Variants in RGS7 observed in about 807,000 individuals in gnomAD.
The protein encoded by RGS7 is regulator of G protein signaling 7.
A neutral mutation model predicts 81.1 loss-of-function variants in RGS7; 27 were observed. The observed-to-expected ratio is 0.33, with a 90% CI of 0.25 to 0.46. The LOEUF (loss-of-function observed/expected upper bound fraction) is 0.46, where lower values mean the gene tolerates loss of function less well. Among genes scored for constraint, RGS7 ranks in the 20% least tolerant of loss-of-function variants. RGS7 has a pLI of 1.00. For synonymous variants in RGS7, 208 were observed against 207.7 expected (o/e 1.00, Z -0.01); for missense variants, 396 against 607.4 (o/e 0.65, Z 3.66).
At chr1:241,143,884 T>C (rs1008511957) in intron 2 of RGS7, among the ~76,000 whole-genome samples, 1 of 151,964 alleles carries the variant, frequency 6.6e-6, no homozygotes, top group African/African-American at 2.4e-5. Context: ...CTGAGGGAGA[T>C]TGCTTGTCCT....
intron 2 of RGS7, among the ~76,000 whole-genome samples, chr1:241,260,232 C>T (rs756944243): frequency 3.3e-5 from 5 of 152,284 alleles, no homozygotes; most frequent in Admixed American, 6.5e-5. Flanking sequence ...TATTGCTTCT[C>T]GTAGGGAACT....
At chr1:240,801,393 G>T in intron 17 of RGS7, 62 bp downstream of exon 17, 1 of 1,118,448 alleles carries the variant, frequency 8.9e-7, no homozygotes, top group Non-Finnish European at 1.3e-6. Flanking sequence ...GCTAGAAATA[G>T]GGAAATTGGA....
chr1:240,976,027 T>A lies in RGS7; in HGVS notation c.226+7052A>T, dbSNP rs532989006. On this transcript the variant is annotated intron_variant, in intron 4 of 18. Coordinates refer to ENST00000440928, the MANE Select transcript of RGS7 (RefSeq NM_001364886.1). ...GAAACTCACGTTGTGCTTGTAACCCTGAGAATACCATTGTAAGAAGCCAGT... is the reference window on the plus strand; with the variant it reads ...GAAACTCACGTTGTGCTTGTAACCCAGAGAATACCATTGTAAGAAGCCAGT... Among the ~76,000 whole-genome samples the A allele has an allele frequency of 7.2e-5, 11 of 152,334 alleles. No homozygotes were observed. The South Asian group carries it at 2.3e-3, about 32-fold the overall frequency.
rs1682870946 is a variant in RGS7 at position 240,775,984 on chromosome 1, G to T, written c.*236C>A. On this transcript the variant is annotated 3_prime_UTR_variant, in exon 19 of 19. Coordinates refer to ENST00000440928, the MANE Select transcript of RGS7 (RefSeq NM_001364886.1). ...GAGAAAGAAAGCAGACAACAGTTTG[G>T]AATGGAGGCATTGAGACGGAAGAGT... is the stretch of plus-strand genomic sequence containing the variant. 1 of 644,242 alleles carries T rather than the reference G, an allele frequency of 1.6e-6. No individual in the cohort carries two copies. Among genetic ancestry groups the T allele is most frequent in the Admixed American group, 2.3e-5 (1 of 43,696 alleles). The allele number at this position is 644,242 out of a possible 1,614,324, so 39.9% of individuals were successfully genotyped here.
intron 2 of RGS7, among the ~76,000 whole-genome samples, chr1:241,131,406 C>G (rs1052836323): frequency 6.6e-6 from 1 of 152,172 alleles, no homozygotes; most frequent in Non-Finnish European, 1.5e-5. Flanking sequence ...CTGGACCCAA[C>G]TTCCAGAGTT....
intron 18 of RGS7, among the ~76,000 whole-genome samples, chr1:240,797,993 G>C (rs560396162): frequency 6.6e-6 from 1 of 152,294 alleles, no homozygotes; most frequent in Admixed American, 6.5e-5. Context: ...TCTATGAAGA[G>C]TAATGAATTT....
chr1:241,136,236 A>G (rs60415373), intron 2 of RGS7, among the ~76,000 whole-genome samples: 249 of 152,328 alleles, frequency 1.6e-3, no homozygotes, highest in African/African-American at 5.6e-3. Context: ...AGTGTCAGAC[A>G]CTGTGCTAAG....
chr1:241,034,379 G>A (rs1351968411), intron 3 of RGS7, among the ~76,000 whole-genome samples: 2 of 152,086 alleles, frequency 1.3e-5, no homozygotes, highest in Non-Finnish European at 2.9e-5. Context: ...TACTGTTGCC[G>A]GAGTAACTAA....
intron 4 of RGS7, among the ~76,000 whole-genome samples, chr1:240,948,200 T>G (rs1259997908): frequency 6.6e-6 from 1 of 152,264 alleles, no homozygotes; most frequent in African/African-American, 2.4e-5. Context: ...ATTATTATCT[T>G]GTCTAGTGAA....
chr1:241,138,095 C>T (rs1234928523), intron 2 of RGS7, among the ~76,000 whole-genome samples: 1 of 151,094 alleles, frequency 6.6e-6, no homozygotes, highest in African/African-American at 2.4e-5. Context: ...TCACTTGAAC[C>T]CGGGAGGTGG....
At chr1:240,949,847 CAA>C (rs57421740) in intron 4 of RGS7, among the ~76,000 whole-genome samples, 4 of 91,954 alleles carry the variant, frequency 4.4e-5, no homozygotes, top group East Asian at 3.4e-4. Context: ...GACTCTGACT[CAA>C]AAAAAAAAAA....
At chr1:241,172,046 T>G (rs1478058655) in intron 2 of RGS7, among the ~76,000 whole-genome samples, 1 of 152,200 alleles carries the variant, frequency 6.6e-6, no homozygotes. Flanking sequence ...AACTGTGGAA[T>G]AGAAAGGTTA....
intron 2 of RGS7, among the ~76,000 whole-genome samples, chr1:241,161,584 A>T (rs2069675351): frequency 6.7e-6 from 1 of 149,678 alleles, no homozygotes; most frequent in East Asian, 1.9e-4. Flanking sequence ...CACATTAATA[A>T]TAACTAATAT....
At chr1:241,340,529 A>G (rs146721250) in intron 2 of RGS7, among the ~76,000 whole-genome samples, 89 of 152,310 alleles carry the variant, frequency 5.8e-4, no homozygotes, top group African/African-American at 2.1e-3. Flanking sequence ...AAAACTCCAA[A>G]AACAGTTATT....
rs116018321 is a variant in RGS7 at position 241,329,873 on chromosome 1, A to G, written c.78+25826T>C. Among the ~76,000 whole-genome samples the G allele has an allele frequency of 6.8e-3, 1,032 of 152,242 alleles. 9 individuals are homozygous for G. Among genetic ancestry groups the G allele is most frequent in the Middle Eastern group, 0.01 (3 of 294 alleles). The stretch of plus-strand genomic sequence containing the variant: ...CTAGGCTTTCCCATTGTATAGCAGC[A>G]AGTGCTAATCAATAAGTCAATAAAA... On this transcript the variant is annotated intron_variant, in intron 2 of 18. Transcript: ENST00000440928.
At chr1:241,087,851 AG>A (rs971232816) in intron 3 of RGS7, among the ~76,000 whole-genome samples, 1 of 151,732 alleles carries the variant, frequency 6.6e-6, no homozygotes, top group Non-Finnish European at 1.5e-5. Flanking sequence ...CGGGAGGCTG[AG>A]GCAGGAGAAT....
chr1:240,784,008 T>A (rs1294846427), intron 18 of RGS7, among the ~76,000 whole-genome samples: 1 of 116,258 alleles, frequency 8.6e-6, no homozygotes, highest in African/African-American at 3.4e-5. Flanking sequence ...AAACCCTGTC[T>A]CTACTAAAAA....
chr1:241,147,780 T>TTTTTTATATATATATA (rs1428939736), intron 2 of RGS7, among the ~76,000 whole-genome samples: 9 of 44,644 alleles, frequency 2.0e-4, no homozygotes, highest in South Asian at 1.2e-3. Flanking sequence ...AGATTAAGTT[T>TTTTTTATATATATATA]TATATATATA....
chr1:240,983,225 A>G, intron 3 of RGS7, 96 bp from the exon 4 acceptor site: 2 of 659,304 alleles, frequency 3.0e-6, no homozygotes, highest in East Asian at 5.5e-5. Context: ...TCATATTAGA[A>G]GGAACTTTTC....
Sources: allele counts gnomAD v4.1 joint callset (sites outside exome capture counted in the v4.1 genomes callset), GRCh38; gene constraint gnomAD v4.1.1; transcripts MANE v1.5; gene names NCBI Gene and HGNC (gene_info 2026-07-23, HGNC 2026-07-21).